Variants in GABRB1 observed in about 807,000 individuals in gnomAD.
GABRB1 encodes the protein gamma-aminobutyric acid receptor subunit beta-1.
Under a neutral mutation model 51.6 loss-of-function variants are expected in GABRB1, and 17 were observed. That is an observed-to-expected ratio of 0.33 (90% CI 0.23 to 0.49). GABRB1 has a LOEUF of 0.49. Among genes scored for constraint, GABRB1 ranks in the 20% least tolerant of loss-of-function variants. The pLI is 0.99. For synonymous variants in GABRB1, 247 were observed against 218.9 expected, an observed-to-expected ratio of 1.13 and a Z score of -1.14; for missense variants, 410 against 600.6, an observed-to-expected ratio of 0.68 and a Z score of 3.32.
rs190841414 is a variant in GABRB1, at chr4:47,372,753, G to T, written c.545-30565G>T. ...TTCCCCAGCTAACAGTCTGGCCAAA[G>T]ATGTTCTCTGTATGGCAGGCATCCA... On this transcript the variant is annotated intron_variant, in intron 5 of 8. Transcript: ENST00000295454. Among the ~76,000 whole-genome samples, 37 of 152,274 alleles carry T rather than the reference G, an allele frequency of 2.4e-4. No homozygotes were observed. In the East Asian group the frequency reaches 6.8e-3, roughly 28 times the overall value.
intron 5 of GABRB1, among the ~76,000 whole-genome samples, chr4:47,361,136 G>GA (rs1247453398): frequency 6.6e-6 from 1 of 151,920 alleles, no homozygotes; most frequent in Non-Finnish European, 1.5e-5. Context: ...CTAGTGACAA[G>GA]AAAAAAATAG....
intron 3 of GABRB1, among the ~76,000 whole-genome samples, chr4:47,105,501 T>C (rs1430280970): frequency 6.6e-6 from 1 of 152,092 alleles, no homozygotes; most frequent in African/African-American, 2.4e-5. Flanking sequence ...ATTTTACCCT[T>C]CCTTCACCTG....
At chr4:47,395,460 C>T (rs1728149025) in intron 5 of GABRB1, among the ~76,000 whole-genome samples, 1 of 152,184 alleles carries the variant, frequency 6.6e-6, no homozygotes, top group Non-Finnish European at 1.5e-5. Context: ...AATCACCTCT[C>T]ACCAGGCCCC....
At chr4:47,202,661 G>A (rs952374242) in intron 4 of GABRB1, among the ~76,000 whole-genome samples, 4 of 152,288 alleles carry the variant, frequency 2.6e-5, no homozygotes, top group Non-Finnish European at 5.9e-5. Flanking sequence ...TGACAAGACT[G>A]TCTCAAATAA....
intron 3 of GABRB1, among the ~76,000 whole-genome samples, chr4:47,072,013 T>A (rs567123726): frequency 2.3e-4 from 34 of 149,696 alleles, no homozygotes; most frequent in Non-Finnish European, 4.1e-4. Context: ...GGAAATGAAG[T>A]CATTGTAATC....
At chr4:47,382,502 C>T (rs1473182494) in intron 5 of GABRB1, among the ~76,000 whole-genome samples, 1 of 152,214 alleles carries the variant, frequency 6.6e-6, no homozygotes, top group African/African-American at 2.4e-5. Flanking sequence ...CTGTAGCTAT[C>T]ACTTTGCAAA....
intron 4 of GABRB1, among the ~76,000 whole-genome samples, chr4:47,309,291 C>T (rs1560326925): frequency 6.6e-6 from 1 of 151,836 alleles, no homozygotes; most frequent in Non-Finnish European, 1.5e-5. Flanking sequence ...CAATCCCCTA[C>T]TCTGATTTAT....
chr4:47,385,563 CACA>C (rs1377487168), intron 5 of GABRB1, among the ~76,000 whole-genome samples: 4 of 152,314 alleles, frequency 2.6e-5, no homozygotes, highest in Non-Finnish European at 4.4e-5. Context: ...TGCTTTTACT[CACA>C]ACATTTCTGA....
In GABRB1 at chr4:47,019,631, CTTTCTTTCTT is replaced by C. The variant is rs1560498138; in HGVS notation, c.-19-12281_-19-12272del. On this transcript the variant is annotated intron_variant, in intron 1 of 3. Transcript: ENST00000513567. The stretch of plus-strand genomic sequence containing the variant: ...CTTCTTTCTTTCTTTCTCTCTCTTT[CTTTCTTTCTT>C]TCTTTCTTTCTTTCTTTCTTTCTTT... 2.6e-3 allele frequency among the ~76,000 whole-genome samples: 314 copies of C among 118,664 alleles called. 2 individuals are homozygous for C. The highest frequency in any genetic ancestry group is 9.7e-3 in the African/African-American group (261 of 26,972). The allele number at this position is 118,664 out of a possible 152,430, so 77.8% of individuals were successfully genotyped here.
chr4:47,277,550 G>T (rs1723131111), intron 4 of GABRB1, among the ~76,000 whole-genome samples: 1 of 151,992 alleles, frequency 6.6e-6, no homozygotes, highest in Non-Finnish European at 1.5e-5. Context: ...TTGAGGGGTT[G>T]AATACCCCAG....
At chr4:47,041,790 T>C (rs886319212) in intron 3 of GABRB1, among the ~76,000 whole-genome samples, 1 of 152,118 alleles carries the variant, frequency 6.6e-6, no homozygotes, top group Admixed American at 6.5e-5. Flanking sequence ...TGACATTCAT[T>C]TGGAATCCCA....
intron 1 of GABRB1, among the ~76,000 whole-genome samples, chr4:47,007,849 C>T (rs532290933): frequency 1.2e-4 from 12 of 103,992 alleles, no homozygotes; most frequent in Admixed American, 3.3e-4. Flanking sequence ...CATTAAAGGA[C>T]GTATACCTTG....
chr4:47,148,308 T>C (rs1717267681), intron 3 of GABRB1, among the ~76,000 whole-genome samples: 1 of 151,992 alleles, frequency 6.6e-6, no homozygotes, highest in Non-Finnish European at 1.5e-5. Context: ...GGGCCAGAGA[T>C]AGTTCCTTTA....
At chr4:46,999,640 A>G (rs1351031202) in intron 1 of GABRB1, among the ~76,000 whole-genome samples, 1 of 152,246 alleles carries the variant, frequency 6.6e-6, no homozygotes. Flanking sequence ...ATCATTCTCC[A>G]AAGAGCTGAA....
chr4:47,374,655 C>T (rs1727317018), intron 5 of GABRB1, among the ~76,000 whole-genome samples: 1 of 152,196 alleles, frequency 6.6e-6, no homozygotes, highest in South Asian at 2.1e-4. Flanking sequence ...CAAACATCAT[C>T]TGAACTCCTA....
intron 3 of GABRB1, among the ~76,000 whole-genome samples, chr4:47,093,210 T>A (rs1714195201): frequency 6.6e-6 from 1 of 152,228 alleles, no homozygotes; most frequent in Non-Finnish European, 1.5e-5. Context: ...CCTGTATTAT[T>A]TTTAGATGCG....
chr4:47,201,032 C>T (rs1312455841), intron 4 of GABRB1, among the ~76,000 whole-genome samples: 1 of 151,988 alleles, frequency 6.6e-6, no homozygotes, highest in Non-Finnish European at 1.5e-5. Flanking sequence ...ATTTTTCTTA[C>T]CTTAAATAAA....
upstream of GABRB1, chr4:47,031,497 A>G (rs751910229): frequency 1.1e-5 from 7 of 644,258 alleles, no homozygotes; most frequent in East Asian, 2.7e-5. Flanking sequence ...TGCCTGTTCC[A>G]CTAGGAATAT....
At chr4:47,016,675 A>G (rs1171283078) in intron 1 of GABRB1, among the ~76,000 whole-genome samples, 3 of 152,120 alleles carry the variant, frequency 2.0e-5, no homozygotes, top group Non-Finnish European at 2.9e-5. Context: ...TGCAACTTCC[A>G]TCTCCTGGGT....
Sources: gnomAD v4.1 joint callset for allele counts (sites outside exome capture counted in the v4.1 genomes callset) on GRCh38, gnomAD v4.1.1 for gene constraint, MANE v1.5 for transcripts, NCBI Gene and HGNC (gene_info 2026-07-23, HGNC 2026-07-21) for gene names.